Variants in CREB5 observed in about 807,000 individuals in gnomAD.
The protein encoded by CREB5 is cAMP responsive element binding protein 5, also known as cyclic AMP-responsive element-binding protein 5.
In CREB5, 19 loss-of-function variants were observed where a neutral mutation model predicts 57.1. The ratio of observed to expected loss-of-function variants is 0.33; its 90% CI spans 0.23 to 0.49. The LOEUF (loss-of-function observed/expected upper bound fraction) is 0.49, where lower values mean the gene tolerates loss of function less well. CREB5 is among the 20% of genes least tolerant of loss of function. The pLI is 0.99. For synonymous variants in CREB5, 238 were observed against 238.3 expected (o/e 1.00, Z 0.01); for missense variants, 579 against 671.6 (o/e 0.86, Z 1.52).
intron 1 of CREB5, among the ~76,000 whole-genome samples, chr7:28,460,919 G>C (rs190168892): frequency 1.1e-3 from 169 of 152,104 alleles, no homozygotes; most frequent in African/African-American, 4.0e-3. Flanking sequence ...TTATGGGGGG[G>C]CATAGTGGCT....
intron 5 of CREB5, among the ~76,000 whole-genome samples, chr7:28,709,518 C>G (rs1049770807): frequency 6.6e-6 from 1 of 152,086 alleles, no homozygotes; most frequent in Non-Finnish European, 1.5e-5. Flanking sequence ...CCTCCTATTA[C>G]TGCTCTCTGT....
chr7:28,416,322 G>A (rs1338156547), intron 1 of CREB5, among the ~76,000 whole-genome samples: 2 of 152,080 alleles, frequency 1.3e-5, no homozygotes, highest in East Asian at 3.8e-4. Flanking sequence ...CTTCCTAAGG[G>A]GGAAAAATAC....
chr7:28,645,985 C>T (rs1389809911), intron 5 of CREB5, among the ~76,000 whole-genome samples: 1 of 152,204 alleles, frequency 6.6e-6, no homozygotes, highest in African/African-American at 2.4e-5. Context: ...CCTCAGACAT[C>T]TGCTTCTGGT....
At chr7:28,511,664 T>C (rs1792705927) in intron 4 of CREB5, among the ~76,000 whole-genome samples, 1 of 152,174 alleles carries the variant, frequency 6.6e-6, no homozygotes, top group African/African-American at 2.4e-5. Context: ...TTTCATATTT[T>C]TTGTAATGAT....
rs372438390 is a variant in CREB5 at position 28,581,200 on chromosome 7, A to G, written c.464+10663A>G. ...ACAACTTGAACTTTACTTTTTCCCA[A>G]TGTGTTTAACCTTCTTGCACACAAA... On this transcript the variant is annotated intron_variant, in intron 5 of 10. Transcript: ENST00000357727. 1.2e-4 allele frequency among the ~76,000 whole-genome samples: 19 copies of G among 152,270 alleles called. No individual in the cohort carries two copies. The East Asian group carries it at 2.3e-3, about 19-fold the overall frequency.
chr7:28,419,877 T>C (rs1243300314), intron 1 of CREB5, among the ~76,000 whole-genome samples: 1 of 152,234 alleles, frequency 6.6e-6, no homozygotes, highest in Non-Finnish European at 1.5e-5. Context: ...TCTTCCAGTT[T>C]TGCAAAATCG....
At chr7:28,422,381 G>A (rs1230904591) in intron 1 of CREB5, among the ~76,000 whole-genome samples, 1 of 152,098 alleles carries the variant, frequency 6.6e-6, no homozygotes, top group Non-Finnish European at 1.5e-5. Context: ...TCCCTGGCAT[G>A]GGGTGTCAGA....
At chr7:28,639,886 T>C (rs1428660978) in intron 5 of CREB5, among the ~76,000 whole-genome samples, 1 of 152,202 alleles carries the variant, frequency 6.6e-6, no homozygotes, top group Non-Finnish European at 1.5e-5. Flanking sequence ...GCTATGTTTG[T>C]GGTTTTCTAT....
At chr7:28,786,772 T>C (rs1278492832) in intron 7 of CREB5, among the ~76,000 whole-genome samples, 1 of 152,164 alleles carries the variant, frequency 6.6e-6, no homozygotes, top group Admixed American at 6.5e-5. Context: ...ACTACCTAAC[T>C]CAGGGCCCAC....
In CREB5 at chr7:28,809,378, A is replaced by G. The variant is rs1808960319; in HGVS notation, c.1218A>G (p.Lys406=). 1 of 1,613,952 alleles carries G rather than the reference A, an allele frequency of 6.2e-7. No homozygotes were observed. Among genetic ancestry groups the G allele is most frequent in the Non-Finnish European group, 8.5e-7 (1 of 1,180,024 alleles). The part of the protein sequence containing the change: ...RKVWVMSLEK[K]AEELTQTNMQ... ...TCTGGGTGATGTCATTGGAAAAGAAAGCAGAAGAACTCACCCAGACAAACA... is the reference window on the plus strand; with the variant it reads ...TCTGGGTGATGTCATTGGAAAAGAAGGCAGAAGAACTCACCCAGACAAACA... The change falls in exon 9 of 11, where the codon AAA becomes AAG. Residue 406 remains lysine, a synonymous_variant. Coordinates refer to ENST00000357727, the MANE Select transcript of CREB5 (RefSeq NM_182898.4).
At chr7:28,665,632 GAA>G (rs1799794709) in intron 5 of CREB5, among the ~76,000 whole-genome samples, 1 of 152,152 alleles carries the variant, frequency 6.6e-6, no homozygotes, top group African/African-American at 2.4e-5. Context: ...CTTTTGGTAA[GAA>G]AGAGGAATTT....
intron 1 of CREB5, among the ~76,000 whole-genome samples, chr7:28,394,070 CAAAAAAAAAAAAAAAAAAA>C (rs56166148): frequency 2.8e-4 from 15 of 52,998 alleles, no homozygotes; most frequent in Admixed American, 1.0e-3. Context: ...GACTCTGTCT[CAAAAAAAAAAAAAAAAAAA>C]AAAAAAAAAA....
chr7:28,787,355 C>T (rs1053001731), intron 7 of CREB5, among the ~76,000 whole-genome samples: 5 of 152,218 alleles, frequency 3.3e-5, no homozygotes, highest in Non-Finnish European at 7.3e-5. Context: ...GAGTGCCAGA[C>T]TAGTCCCTAG....
intron 4 of CREB5, among the ~76,000 whole-genome samples, chr7:28,514,642 C>T (rs1184058969): frequency 2.0e-5 from 3 of 152,200 alleles, no homozygotes; most frequent in Non-Finnish European, 2.9e-5. Context: ...GATCCGCCCG[C>T]CTCGGCCTCC....
chr7:28,364,233 C>T (rs985172461), intron 1 of CREB5, among the ~76,000 whole-genome samples: 2 of 152,142 alleles, frequency 1.3e-5, no homozygotes, highest in African/African-American at 2.4e-5. Flanking sequence ...CTGGAATAAA[C>T]GAGAAAATGC....
At position 28,611,374 on chromosome 7, in the gene CREB5, G is replaced by A. The variant is rs193003678; in HGVS notation, c.464+40837G>A. Among the ~76,000 whole-genome samples the A allele has an allele frequency of 4.2e-3, 628 of 150,830 alleles. 2 individuals carry two copies. Among genetic ancestry groups the A allele is most frequent in the African/African-American group, 0.015 (604 of 41,042 alleles). Reference sequence around the variant, plus strand: ...AAGATACATATGCCAGGTAGAGGCCGGGCACAGTGGCTCACACCTGTAATC... The same window carrying A: ...AAGATACATATGCCAGGTAGAGGCCAGGCACAGTGGCTCACACCTGTAATC... On this transcript the variant is annotated intron_variant, in intron 5 of 10. Coordinates refer to ENST00000357727, the MANE Select transcript of CREB5 (RefSeq NM_182898.4).
At chr7:28,563,133 C>A (rs937693163) in intron 4 of CREB5, among the ~76,000 whole-genome samples, 1 of 152,158 alleles carries the variant, frequency 6.6e-6, no homozygotes, top group Non-Finnish European at 1.5e-5. Context: ...TTCTGACATA[C>A]AGTAATGCTG....
intron 5 of CREB5, among the ~76,000 whole-genome samples, chr7:28,673,009 T>A (rs1410046370): frequency 6.6e-6 from 1 of 152,148 alleles, no homozygotes; most frequent in Non-Finnish European, 1.5e-5. Context: ...CCCCATACCT[T>A]ACCTCTACTG....
intron 1 of CREB5, among the ~76,000 whole-genome samples, chr7:28,397,220 T>C (rs534850066): frequency 4.7e-4 from 71 of 152,340 alleles, no homozygotes; most frequent in Non-Finnish European, 4.9e-4. Flanking sequence ...ATGTGTGACA[T>C]CCATCATTGG....
Sources: gnomAD v4.1 joint callset for allele counts (sites outside exome capture counted in the v4.1 genomes callset) on GRCh38, gnomAD v4.1.1 for gene constraint, MANE v1.5 for transcripts, NCBI Gene and HGNC (gene_info 2026-07-23, HGNC 2026-07-21) for gene names.